Variants in KRT78 observed in about 807,000 individuals in gnomAD.
KRT78 encodes keratin, type II cytoskeletal 78.
In KRT78, 55 loss-of-function variants were observed where a neutral mutation model predicts 51.4. That is an observed-to-expected ratio of 1.07 (90% CI 0.86 to 1.34). The LOEUF (loss-of-function observed/expected upper bound fraction) is 1.34. Among genes scored for constraint, KRT78 ranks in the 40% most tolerant of loss-of-function variants. The probability of loss-of-function intolerance (pLI) is 0.00; values close to 1 mark genes in which losing one functional copy is unlikely to be tolerated. For synonymous variants in KRT78, 291 were observed against 264.3 expected (o/e 1.10, Z -0.98); for missense variants, 652 against 649.4 (o/e 1.00, Z -0.04).
Position 52,848,065 on chromosome 12 carries a change from C to T in KRT78, c.441G>A (p.Gln147=). ...GCTGGCTGCCACTCAACCCCTGTTG[C>T]TGCAGCAGATGCCACTTCGTCTCCA... ...KVLETKWHLL[Q]QQGLSGSQQG... Residue 147 remains glutamine, a synonymous_variant, in exon 2 of 9, where the codon CAG becomes CAA. Transcript: ENST00000304620. 1 of 1,614,192 alleles carries T rather than the reference C, an allele frequency of 6.2e-7. No individual in the cohort carries two copies. Among genetic ancestry groups the T allele is most frequent in the Non-Finnish European group, 8.5e-7 (1 of 1,180,036 alleles).
rs1284971345 is a variant in KRT78 at position 52,843,707 on chromosome 12, AAAAAGAAAAAG to A, written c.1047+375_1047+385del. On this transcript the variant is annotated intron_variant, in intron 6 of 8. Coordinates refer to ENST00000304620, the MANE Select transcript of KRT78 (RefSeq NM_173352.4). Reference sequence around the variant, plus strand: ...CTGTCTCAAAAAAAAAAAAAAAAAGAAAAAGAAAAAGAAAAGAAAAGGAAAAGATAAGAAAA... The same window carrying A: ...CTGTCTCAAAAAAAAAAAAAAAAAGAAAAAGAAAAGGAAAAGATAAGAAAA... 1.9e-4 allele frequency among the ~76,000 whole-genome samples: 29 copies of A among 150,474 alleles called. No individual in the cohort carries two copies. The South Asian group carries it at 3.8e-3, about 19-fold the overall frequency.
At position 52,848,200 on chromosome 12, in the gene KRT78, C is replaced by T. The variant is rs768331574; in HGVS notation, c.385-79G>A. On this transcript the variant is annotated intron_variant, in intron 1 of 8. Transcript: ENST00000304620. The stretch of plus-strand genomic sequence containing the variant: ...CCTCTGGAAAGTAAAGCCTGAGGGA[C>T]CCTCCCATCAGCCTCACCTTTCCCC... 39 of 1,562,756 alleles carry T rather than the reference C, an allele frequency of 2.5e-5. No individual in the cohort carries two copies. In the South Asian group the frequency reaches 4.3e-4, roughly 17 times the overall value.
intron 2 of KRT78, 90 bp downstream of exon 2, chr12:52,847,817 C>T: frequency 8.9e-7 from 1 of 1,124,416 alleles, no homozygotes; most frequent in Non-Finnish European, 1.3e-6. Context: ...TCTGGGTGCT[C>T]AGTATGTGGG....
chr12:52,837,852 T>A lies in KRT78; in HGVS notation c.*1261A>T, dbSNP rs1940381791. 6.6e-6 allele frequency: 1 copy of A among 152,246 alleles called. No individual in the cohort carries two copies. The highest frequency in any genetic ancestry group is 1.5e-5 in the Non-Finnish European group (1 of 68,044). 9.4% of individuals were successfully genotyped at this position (152,246 alleles called of 1,614,324 possible). ...ATTGAACTACCTTGGATGAATTTAG[T>A]TTCCTTCTGGGATCCTAGTGGCACT... On this transcript the variant is annotated 3_prime_UTR_variant, in exon 9 of 9. Coordinates refer to ENST00000304620, the MANE Select transcript of KRT78 (RefSeq NM_173352.4).
At position 52,848,865 on chromosome 12, in the gene KRT78, T is replaced by C; in HGVS notation, c.66A>G (p.Ser22=). Residue 22 remains serine (S), a synonymous_variant, in exon 1 of 9, where the codon TCA becomes TCG. Coordinates refer to ENST00000304620, the MANE Select transcript of KRT78 (RefSeq NM_173352.4). ...FSARSACSAR[S]RGRSRGGFSS... The stretch of plus-strand genomic sequence containing the variant: ...TGAAGCCTCCCCTGCTGCGGCCCCT[T>C]GAGCGAGCAGAACAGGCTGAGCGAG... 1.2e-6 allele frequency: 2 copies of C among 1,611,606 alleles called. 1 individual carries two copies. The highest frequency in any genetic ancestry group is 2.2e-5 in the South Asian group (2 of 90,734).
Position 52,848,097 on chromosome 12 carries a change from T to C in KRT78, c.409A>G (p.Lys137Glu). ...AGATGCCACTTCGTCTCCAGGACCT[T>C]GTTCTGCTGCTCCAGGAACCGCACC... ...DKVRFLEQQN[K>E]VLETKWHLLQ... Residue 137 changes from lysine (K) to glutamate (E), a missense_variant, in exon 2 of 9, where the codon AAG (lysine) becomes GAG (glutamate). By Grantham distance (56) the Lys-to-Glu change is moderately conservative (BLOSUM62 1). Coordinates refer to ENST00000304620, the MANE Select transcript of KRT78 (RefSeq NM_173352.4). 6.2e-7 allele frequency: 1 copy of C among 1,614,160 alleles called. No individual in the cohort carries two copies. Among genetic ancestry groups the C allele is most frequent in the Non-Finnish European group, 8.5e-7 (1 of 1,180,026 alleles).
At chr12:52,848,467 A>G in intron 1 of KRT78, 80 bp downstream of exon 1, 1 of 1,569,554 alleles carries the variant, frequency 6.4e-7, no homozygotes, top group Non-Finnish European at 8.6e-7. Context: ...AGGAGGCCAA[A>G]CTTCCCATTT....
In KRT78 at chr12:52,839,451, A is replaced by T. The variant is rs563203421; in HGVS notation, c.1303+2T>A. 13 of 1,608,686 alleles carry T rather than the reference A, an allele frequency of 8.1e-6. No homozygotes were observed. In the African/African-American group the frequency reaches 1.6e-4, roughly 20 times the overall value. On this transcript the variant is annotated splice_donor_variant, in intron 8 of 8. Transcript: ENST00000304620. LOFTEE classifies it high-confidence loss of function. ...CCATCCCTAAAGTCCCCTGATACTC[A>T]CAGATAGTGACCTGGCTGGTGCACT...
chr12:52,847,266 G>A (rs12304876), intron 2 of KRT78, among the ~76,000 whole-genome samples: 10,293 of 152,172 alleles, frequency 0.068, 818 homozygotes, highest in East Asian at 0.21. Flanking sequence ...AATAGCCCTG[G>A]GAGGCCAGAA....
intron 2 of KRT78, among the ~76,000 whole-genome samples, chr12:52,847,692 G>T (rs17119673): frequency 0.037 from 5,686 of 152,238 alleles, 368 homozygotes; most frequent in African/African-American, 0.13. Context: ...TTCCTCCAAG[G>T]TTCTCCAGAT....
intron 6 of KRT78, among the ~76,000 whole-genome samples, chr12:52,840,580 A>G (rs551630034): frequency 6.6e-6 from 1 of 152,126 alleles, no homozygotes; most frequent in Non-Finnish European, 1.5e-5. Context: ...AGTGGCACGC[A>G]CCTGTAGTCC....
At chr12:52,848,241 C>T in intron 1 of KRT78, 120 bp from the exon 2 acceptor site, 2 of 1,544,210 alleles carry the variant, frequency 1.3e-6, no homozygotes, top group East Asian at 4.9e-5. Flanking sequence ...CCCTGCCCAA[C>T]CTGGGCAGGG....
Position 52,838,957 on chromosome 12 carries a change from T to C in KRT78, c.*156A>G, listed in dbSNP as rs1940407639. On this transcript the variant is annotated 3_prime_UTR_variant, in exon 9 of 9. Transcript: ENST00000304620. ...GTGAGGTGTGCAAGCACTTAGAGCA[T>C]TCAGAACAGCAGGAGGGGAGACTTT... 1.2e-6 allele frequency: 1 copy of C among 859,424 alleles called. No homozygotes were observed. The highest frequency in any genetic ancestry group is 2.5e-5 in the East Asian group (1 of 39,436). 53.2% of individuals were successfully genotyped at this position (859,424 alleles called of 1,614,324 possible).
chr12:52,848,939 C>T lies in KRT78; in HGVS notation c.-9G>A, dbSNP rs1420158452. On this transcript the variant is annotated 5_prime_UTR_variant, in exon 1 of 9. Transcript: ENST00000304620. Reference sequence around the variant, plus strand: ...CATGGGGAGAGAGACATGGCAGAGACAGACAGTCACGCAGCTGCAGACGGA... The same window carrying T: ...CATGGGGAGAGAGACATGGCAGAGATAGACAGTCACGCAGCTGCAGACGGA... 2 of 1,535,036 alleles carry T rather than the reference C, an allele frequency of 1.3e-6. No homozygotes were observed. The highest frequency in any genetic ancestry group is 1.8e-4 in the Middle Eastern group (1 of 5,438).
In KRT78 at chr12:52,839,973, C is replaced by T. The variant is rs766808300; in HGVS notation, c.1059G>A (p.Leu353=). The part of the protein sequence containing the change: ...TENLKKQNAS[L]QAAITDAEQR... ...GCTCAGCATCAGTGATGGCGGCCTG[C>T]AGGCTGGCGTTCTGGAAGCGGGGTA... Residue 353 remains leucine (L), a synonymous_variant, in exon 7 of 9, where the codon CTG becomes CTA. Coordinates refer to ENST00000304620, the MANE Select transcript of KRT78 (RefSeq NM_173352.4). 47 of 1,612,760 alleles carry T rather than the reference C, an allele frequency of 2.9e-5. 1 individual carries two copies. The highest frequency in any genetic ancestry group is 2.0e-4 in the East Asian group (9 of 44,834).
At chr12:52,843,460 C>A (rs144917932) in intron 6 of KRT78, among the ~76,000 whole-genome samples, 3 of 150,600 alleles carry the variant, frequency 2.0e-5, no homozygotes, top group Non-Finnish European at 2.9e-5. Flanking sequence ...GAGGCCAAGG[C>A]GGGCAGATCA....
intron 1 of KRT78, 52 bp downstream of exon 1, chr12:52,848,495 A>C (rs1448693959): frequency 6.3e-7 from 1 of 1,594,898 alleles, no homozygotes; most frequent in East Asian, 2.2e-5. Flanking sequence ...CATCAAGAGC[A>C]GCTCCTCCAA....
In KRT78 at chr12:52,839,260, C is replaced by T; in HGVS notation, c.1416G>A (p.Val472=). ...CCAGAATGATGTTGGAGCCTCCAGT[C>T]ACAATGCTGGTGCAGCAGGACCCAG... ...GSPGSCCTSI[V]TGGSNIILGS... The change falls in exon 9 of 9, where the codon GTG becomes GTA. Residue 472 remains valine (V), a synonymous_variant. Transcript: ENST00000304620. The T allele has an allele frequency of 8.7e-6, 14 of 1,612,320 alleles. No individual in the cohort carries two copies. The highest frequency in any genetic ancestry group is 1.0e-5 in the Non-Finnish European group (12 of 1,179,228).
intron 6 of KRT78, among the ~76,000 whole-genome samples, chr12:52,842,495 C>G: frequency 6.6e-6 from 1 of 152,198 alleles, no homozygotes; most frequent in East Asian, 1.9e-4. Context: ...TAGCCCCACC[C>G]TGCCGCCCAC....
Sources: allele counts gnomAD v4.1 joint callset (sites outside exome capture counted in the v4.1 genomes callset), GRCh38; gene constraint gnomAD v4.1.1; transcripts MANE v1.5; gene names NCBI Gene and HGNC (gene_info 2026-07-23, HGNC 2026-07-21).